CLN5: variants seen among roughly 807,000 people sequenced by gnomAD.
CLN5 encodes bis(monoacylglycero)phosphate synthase CLN5.
A neutral mutation model predicts 36.7 loss-of-function variants in CLN5; 34 were observed. The observed-to-expected ratio is 0.93, with a 90% CI of 0.71 to 1.23. CLN5 has a LOEUF of 1.23. CLN5 is among the 50% of genes most tolerant of loss of function. CLN5 has a pLI of 0.00. For missense variants in CLN5, 427 were observed against 439.4 expected (o/e 0.97, Z 0.25); for synonymous variants, 151 against 155.1 (o/e 0.97, Z 0.20).
intron 1 of CLN5, chr13:76,994,781 G>A (rs1173869129): frequency 2.8e-6 from 1 of 358,284 alleles, no homozygotes; most frequent in Non-Finnish European, 5.1e-6. Context: ...ACTATGATCT[G>A]GAGCTATAAA....
Position 77,000,383 on chromosome 13 carries a change from T to TAA in CLN5, c.566-56_566-55dup, listed in dbSNP as rs58476086. 0.026 allele frequency: 30,718 copies of TAA among 1,163,570 alleles called. 198 individuals are homozygous for TAA. Among genetic ancestry groups the TAA allele is most frequent in the East Asian group, 0.07 (2,493 of 35,664 alleles). The allele number at this position is 1,163,570 out of a possible 1,614,324, so 72.1% of individuals were successfully genotyped here. A position where few individuals can be genotyped will look rare whatever the true frequency, so the allele number is the denominator to read the frequency against. On this transcript the variant is annotated intron_variant, in intron 3 of 3. Coordinates refer to ENST00000377453, the MANE Select transcript of CLN5 (RefSeq NM_006493.4). ...CTCGGCAACAGAGGGAGACCTGTCT[T>TAA]AAAAAAAAAAAAAAAAAAAATTAAC... is the stretch of plus-strand genomic sequence containing the variant.
At position 77,004,255 on chromosome 13, in the gene CLN5, GTTTTATT is replaced by G. The variant is rs1462124171; in HGVS notation, c.*3292_*3298del. The G allele has an allele frequency of 2.0e-5, 3 of 152,174 alleles. No homozygotes were observed. Among genetic ancestry groups the G allele is most frequent in the Non-Finnish European group, 1.5e-5 (1 of 68,022 alleles). The allele number at this position is 152,174 out of a possible 1,614,324, so 9.4% of individuals were successfully genotyped here. ...CCTGGAATTATAGTTCCTGTAAGAT[GTTTTATT>G]TTTTAAATAGTTGGCAGGCTATACA... On this transcript the variant is annotated 3_prime_UTR_variant, in exon 4 of 4. Coordinates refer to ENST00000377453, the MANE Select transcript of CLN5 (RefSeq NM_006493.4).
intron 3 of CLN5, chr13:76,998,836 C>T (rs1442843350): frequency 1.3e-5 from 2 of 152,218 alleles, no homozygotes; most frequent in African/African-American, 4.8e-5. Flanking sequence ...ACCATACCAA[C>T]AATACAAAAG....
At position 77,004,822 on chromosome 13, in the gene CLN5, A is replaced by G. The variant is rs2034423158; in HGVS notation, c.*3853A>G. 1 of 152,198 alleles carries G rather than the reference A, an allele frequency of 6.6e-6. No individual in the cohort carries two copies. Among genetic ancestry groups the G allele is most frequent in the Admixed American group, 6.5e-5 (1 of 15,284 alleles). The allele number at this position is 152,198 out of a possible 1,614,324, so 9.4% of individuals were successfully genotyped here. Reference sequence around the variant, plus strand: ...TACCTATTTTTTCTGATATGGTTACAACAGCCCAAATTACCAAGATAAGTT... The same window carrying G: ...TACCTATTTTTTCTGATATGGTTACGACAGCCCAAATTACCAAGATAAGTT... On this transcript the variant is annotated 3_prime_UTR_variant, in exon 4 of 4. Transcript: ENST00000377453.
At position 77,002,537 on chromosome 13, in the gene CLN5, T is replaced by TA. The variant is rs1404537406; in HGVS notation, c.*1569dup. 1 of 152,140 alleles carries TA rather than the reference T, an allele frequency of 6.6e-6. No homozygotes were observed. The highest frequency in any genetic ancestry group is 1.5e-5 in the Non-Finnish European group (1 of 68,032). 9.4% of individuals were successfully genotyped at this position (152,140 alleles called of 1,614,324 possible). A position where few individuals can be genotyped will look rare whatever the true frequency, so the allele number is the denominator to read the frequency against. ...CTTGTATTTTATGTGTCTTTGGTCT[T>TA]ATTTTGTCTAGGAATTCATTTTTGC... On this transcript the variant is annotated 3_prime_UTR_variant, in exon 4 of 4. Coordinates refer to ENST00000377453, the MANE Select transcript of CLN5 (RefSeq NM_006493.4).
At chr13:76,998,444 T>A (rs1345939383) in intron 3 of CLN5, 1 of 152,242 alleles carries the variant, frequency 6.6e-6, no homozygotes, top group African/African-American at 2.4e-5. Context: ...CCATATGATT[T>A]ATGAAGCATT....
At position 76,995,166 on chromosome 13, in the gene CLN5, G is replaced by C. The variant is rs771803882; in HGVS notation, c.277G>C (p.Glu93Gln). Residue 93 changes from glutamate (E) to glutamine (Q), a missense_variant, in exon 2 of 4, where the codon GAA becomes CAA. Physicochemically the swap from Glu to Gln is conservative, Grantham distance 29 (BLOSUM62 2). Coordinates refer to ENST00000377453, the MANE Select transcript of CLN5 (RefSeq NM_006493.4). ...AGTTATGGAGGGTGATGATGACATT[G>C]AAGTTTTTCGATTACAAGCCCCAGT... is the stretch of plus-strand genomic sequence containing the variant. Reference protein sequence around the residue: ...IPVMEGDDDIEVFRLQAPVWE... With the variant: ...IPVMEGDDDIQVFRLQAPVWE... 1 of 1,614,134 alleles carries C rather than the reference G, an allele frequency of 6.2e-7. No individual in the cohort carries two copies. Among genetic ancestry groups the C allele is most frequent in the Non-Finnish European group, 8.5e-7 (1 of 1,180,004 alleles).
At chr13:76,998,185 A>G (rs2034300089) in intron 3 of CLN5, 1 of 151,968 alleles carries the variant, frequency 6.6e-6, no homozygotes, top group Non-Finnish European at 1.5e-5. Flanking sequence ...TATATTTGAG[A>G]CCCTCTTGAG....
At chr13:76,995,621 A>G (rs2154034678) in intron 2 of CLN5, 1 of 520,160 alleles carries the variant, frequency 1.9e-6, no homozygotes, top group South Asian at 2.1e-5. Flanking sequence ...GGGGCTCCTC[A>G]CACTTATTCT....
intron 1 of CLN5, 100 bp downstream of exon 1, chr13:76,992,371 G>A: frequency 1.5e-6 from 2 of 1,324,614 alleles, no homozygotes; most frequent in Non-Finnish European, 2.0e-6. Context: ...GGTTTGTGTC[G>A]GGTCACGAGA....
chr13:76,992,355 C>T, intron 1 of CLN5, 84 bp downstream of exon 1: 2 of 1,390,170 alleles, frequency 1.4e-6, no homozygotes, highest in South Asian at 2.8e-5. Flanking sequence ...GACCCCTGCT[C>T]ACCGTGGTTT....
At chr13:76,998,475 C>G (rs981996039) in intron 3 of CLN5, 1 of 152,102 alleles carries the variant, frequency 6.6e-6, no homozygotes, top group Non-Finnish European at 1.5e-5. Context: ...TTGCTGTTCC[C>G]CAGAACAGTA....
At position 76,994,957 on chromosome 13, in the gene CLN5, T is replaced by C. The variant is rs2034239320; in HGVS notation, c.174-106T>C. On this transcript the variant is annotated intron_variant, in intron 1 of 3. Coordinates refer to ENST00000377453, the MANE Select transcript of CLN5 (RefSeq NM_006493.4). ...GTGTGTTTATATTTATTAACTATGG[T>C]CCGACCTTTGAATGGTCCCCTAAAA... 7 of 957,846 alleles carry C rather than the reference T, an allele frequency of 7.3e-6. No homozygotes were observed. In the Admixed American group the frequency reaches 1.5e-4, roughly 21 times the overall value. 59.3% of individuals were successfully genotyped at this position (957,846 alleles called of 1,614,324 possible). A position where few individuals can be genotyped will look rare whatever the true frequency, so the allele number is the denominator to read the frequency against.
intron 3 of CLN5, chr13:76,998,611 G>A (rs989113171): frequency 1.3e-5 from 2 of 152,306 alleles, no homozygotes; most frequent in African/African-American, 4.8e-5. Context: ...GTTAACTCAC[G>A]GTTCAGTGGA....
Position 77,000,676 on chromosome 13 carries a change from T to C in CLN5, c.784T>C (p.Tyr262His), listed in dbSNP as rs1262072010. The C allele has an allele frequency of 1.2e-6, 2 of 1,614,002 alleles. No individual in the cohort carries two copies. The highest frequency in any genetic ancestry group is 1.7e-6 in the Non-Finnish European group (2 of 1,179,996). ...IETNYTRIFL[Y>H]SGEPTYLGNE... ...AACCAACTATACAAGAATATTTCTTTACAGTGGAGAACCTACTTATCTGGG... is the reference window on the plus strand; with the variant it reads ...AACCAACTATACAAGAATATTTCTTCACAGTGGAGAACCTACTTATCTGGG... Residue 262 changes from tyrosine to histidine, a missense_variant, in exon 4 of 4, where the codon TAC becomes CAC. Transcript: ENST00000377453.
At chr13:76,999,882 A>C (rs946149767) in intron 3 of CLN5, 22 of 152,208 alleles carry the variant, frequency 1.4e-4, no homozygotes, top group African/African-American at 5.3e-4. Context: ...TTAGTATGTA[A>C]GATGACTTCT....
In CLN5 at chr13:77,002,456, T is replaced by G. The variant is rs1172766187; in HGVS notation, c.*1487T>G. Reference sequence around the variant, plus strand: ...TACAGATACTGACAGGAAGCTTTTATAAACAATTTATTGGAGTGTTTTTGT... The same window carrying G: ...TACAGATACTGACAGGAAGCTTTTAGAAACAATTTATTGGAGTGTTTTTGT... On this transcript the variant is annotated 3_prime_UTR_variant, in exon 4 of 4. Transcript: ENST00000377453. The G allele has an allele frequency of 2.6e-5, 4 of 152,200 alleles. No individual in the cohort carries two copies. The highest frequency in any genetic ancestry group is 9.6e-5 in the African/African-American group (4 of 41,456). The allele number at this position is 152,200 out of a possible 1,614,324, so 9.4% of individuals were successfully genotyped here. A position where few individuals can be genotyped will look rare whatever the true frequency, so the allele number is the denominator to read the frequency against.
intron 1 of CLN5, chr13:76,994,643 T>C (rs1463451034): frequency 5.9e-6 from 1 of 168,690 alleles, no homozygotes; most frequent in Non-Finnish European, 1.3e-5. Flanking sequence ...TGAATGTTAA[T>C]TCGTAAGTAA....
intron 2 of CLN5, 129 bp from the exon 3 acceptor site, chr13:76,995,773 C>G: frequency 1.3e-6 from 1 of 767,424 alleles, no homozygotes; most frequent in Non-Finnish European, 2.3e-6. Context: ...ACAGTAGCAG[C>G]ATGGAAGAAC....
Sources: gnomAD v4.1 joint callset for allele counts on GRCh38, gnomAD v4.1.1 for gene constraint, MANE v1.5 for transcripts, NCBI Gene and HGNC (gene_info 2026-07-23, HGNC 2026-07-21) for gene names.